Variants in LMX1B observed in about 807,000 individuals in gnomAD.
LMX1B encodes the protein LIM homeobox transcription factor 1 beta.
In LMX1B, 12 loss-of-function variants were observed where a neutral mutation model predicts 51.4. The observed-to-expected ratio is 0.23, with a 90% confidence interval of 0.15 to 0.38. The LOEUF (loss-of-function observed/expected upper bound fraction) is 0.38, where lower values mean the gene tolerates loss of function less well. Ranked by LOEUF, LMX1B falls within the 10% of genes least tolerant of loss-of-function variation. LMX1B has a pLI of 1.00. For synonymous variants in LMX1B, 237 were observed against 235.4 expected (o/e 1.01, Z -0.06); for missense variants, 445 against 571.1 (o/e 0.78, Z 2.25).
At chr9:126,619,326 G>C (rs890386909) in intron 2 of LMX1B, among the ~76,000 whole-genome samples, 6 of 152,266 alleles carry the variant, frequency 3.9e-5, no homozygotes, top group African/African-American at 1.4e-4. Context: ...GTGTGGCCCA[G>C]GGGGAGAGCA....
chr9:126,620,646 G>A (rs1272916586), intron 2 of LMX1B, among the ~76,000 whole-genome samples: 1 of 151,994 alleles, frequency 6.6e-6, no homozygotes, highest in Non-Finnish European at 1.5e-5. Flanking sequence ...GGGGCAGACG[G>A]AGGGTGGCCG....
intron 2 of LMX1B, among the ~76,000 whole-genome samples, chr9:126,629,753 A>G (rs1588268179): frequency 6.6e-6 from 1 of 151,936 alleles, no homozygotes; most frequent in Admixed American, 6.6e-5. Flanking sequence ...CATTTTGCCA[A>G]CATCAAAGCT....
chr9:126,622,550 G>A (rs1187170500), intron 2 of LMX1B, among the ~76,000 whole-genome samples: 4 of 152,216 alleles, frequency 2.6e-5, no homozygotes. Flanking sequence ...GGGAGGGGAG[G>A]AGCAGCACTG....
chr9:126,693,418 TC>T lies in LMX1B; in HGVS notation c.741+98del. ...CCTGCTCCTGCTGGGGGTAGGGACATCCCTCCATCCTCCATCTCTCCGCACA... is the reference window on the plus strand; with the variant it reads ...CCTGCTCCTGCTGGGGGTAGGGACATCCTCCATCCTCCATCTCTCCGCACA... On this transcript the variant is annotated intron_variant, in intron 4 of 7. Coordinates refer to ENST00000373474, the MANE Select transcript of LMX1B (RefSeq NM_001174147.2). 3 of 1,538,246 alleles carry T rather than the reference TC, an allele frequency of 2.0e-6. No homozygotes were observed. The South Asian group carries it at 3.4e-5, about 17-fold the overall frequency.
At chr9:126,681,924 A>AT (rs1331635457) in intron 2 of LMX1B, among the ~76,000 whole-genome samples, 18 of 150,776 alleles carry the variant, frequency 1.2e-4, no homozygotes, top group African/African-American at 4.4e-4. Context: ...AATAATAATA[A>AT]AATAAAATGC....
intron 2 of LMX1B, among the ~76,000 whole-genome samples, chr9:126,667,491 A>AACAC (rs1836364351): frequency 6.6e-6 from 1 of 152,244 alleles, no homozygotes; most frequent in African/African-American, 2.4e-5. Context: ...CTGGAGTATA[A>AACAC]ACACACTGGG....
rs60855273 is a variant in LMX1B at position 126,629,589 on chromosome 9, G to C, written c.326+14020G>C. Among the ~76,000 whole-genome samples, 1,479 of 151,452 alleles carry C rather than the reference G, an allele frequency of 9.8e-3. 33 individuals carry two copies. Among genetic ancestry groups the C allele is most frequent in the African/African-American group, 0.034 (1,390 of 41,364 alleles). On this transcript the variant is annotated intron_variant, in intron 2 of 7. Coordinates refer to ENST00000373474, the MANE Select transcript of LMX1B (RefSeq NM_001174147.2). The stretch of plus-strand genomic sequence containing the variant: ...GGCTGGGGTTGGTGCCCCGATGGTG[G>C]GCTGGTACTGCAACCCAATGTTGTT...
At chr9:126,663,449 A>C (rs918531269) in intron 2 of LMX1B, among the ~76,000 whole-genome samples, 55 of 152,024 alleles carry the variant, frequency 3.6e-4, no homozygotes, top group African/African-American at 1.3e-3. Flanking sequence ...GAAAAAAAAA[A>C]GAATTTTGAG....
chr9:126,631,643 G>A (rs1394593072), intron 2 of LMX1B, among the ~76,000 whole-genome samples: 1 of 152,200 alleles, frequency 6.6e-6, no homozygotes, highest in Non-Finnish European at 1.5e-5. Context: ...TGTGCCTGCA[G>A]TTATTGGCTC....
intron 7 of LMX1B, 71 bp downstream of exon 7, chr9:126,696,074 G>C: frequency 7.4e-7 from 1 of 1,359,982 alleles, no homozygotes; most frequent in South Asian, 1.4e-5. Flanking sequence ...GCAGGCCTGG[G>C]GCCAGGACAG....
At chr9:126,692,473 C>A (rs576524255) in intron 3 of LMX1B, among the ~76,000 whole-genome samples, 2 of 152,344 alleles carry the variant, frequency 1.3e-5, no homozygotes, top group African/African-American at 2.4e-5. Context: ...TGGGAGAATG[C>A]ACATGCTTCC....
chr9:126,699,320 T>C lies in LMX1B; in HGVS notation c.*2869T>C, dbSNP rs913517229. 1 of 152,198 alleles carries C rather than the reference T, an allele frequency of 6.6e-6. No homozygotes were observed. The highest frequency in any genetic ancestry group is 2.4e-5 in the African/African-American group (1 of 41,440). The allele number at this position is 152,198 out of a possible 1,614,324, so 9.4% of individuals were successfully genotyped here. A position where few individuals can be genotyped will look rare whatever the true frequency, so the allele number is the denominator to read the frequency against. ...TGTCCCCTGTGGTTTGTGAATGACC[T>C]CCAGGTCAGGGGGTCACAACTTGTT... is the stretch of plus-strand genomic sequence containing the variant. On this transcript the variant is annotated 3_prime_UTR_variant, in exon 8 of 8. Transcript: ENST00000373474.
rs1835354887 is a variant in LMX1B at position 126,618,876 on chromosome 9, G to C, written c.326+3307G>C. Among the ~76,000 whole-genome samples, 1 of 151,992 alleles carries C rather than the reference G, an allele frequency of 6.6e-6. No individual in the cohort carries two copies. The highest frequency in any genetic ancestry group is 2.4e-5 in the African/African-American group (1 of 41,364). On this transcript the variant is annotated intron_variant, in intron 2 of 7. Coordinates refer to ENST00000373474, the MANE Select transcript of LMX1B (RefSeq NM_001174147.2). This position sits in a 1 kb window ranked among gnomAD's most constrained non-coding sequence, Gnocchi z 4.5. Reference sequence around the variant, plus strand: ...TTGTAAGACAGCTCCCAGGTTTGGCGACCCGAGACCCGCTGGGGTGCAAGC... The same window carrying C: ...TTGTAAGACAGCTCCCAGGTTTGGCCACCCGAGACCCGCTGGGGTGCAAGC...
chr9:126,663,423 CA>C (rs58849866), intron 2 of LMX1B, among the ~76,000 whole-genome samples: 7,085 of 112,618 alleles, frequency 0.063, 502 homozygotes, highest in African/African-American at 0.22. Flanking sequence ...GACTCTTTCT[CA>C]AAAAAAAAAA....
At chr9:126,644,399 G>C (rs1835862601) in intron 2 of LMX1B, among the ~76,000 whole-genome samples, 1 of 152,176 alleles carries the variant, frequency 6.6e-6, no homozygotes, top group Non-Finnish European at 1.5e-5. Context: ...AGGCTCAGAA[G>C]AGGGAGGGGG....
chr9:126,692,285 A>G (rs954020665), intron 3 of LMX1B, among the ~76,000 whole-genome samples: 1 of 152,074 alleles, frequency 6.6e-6, no homozygotes, highest in East Asian at 1.9e-4. Context: ...GTGGGAGGAG[A>G]TCACCCGCCT....
At chr9:126,621,741 T>C (rs1390992689) in intron 2 of LMX1B, among the ~76,000 whole-genome samples, 1 of 148,374 alleles carries the variant, frequency 6.7e-6, no homozygotes, top group African/African-American at 2.5e-5. Flanking sequence ...ACCTCAAGTC[T>C]CCTGAAGCAT....
intron 1 of LMX1B, among the ~76,000 whole-genome samples, chr9:126,614,789 T>C (rs1319473977): frequency 1.3e-5 from 2 of 152,032 alleles, no homozygotes; most frequent in African/African-American, 4.8e-5. Flanking sequence ...ACAGGACAGC[T>C]CCAGTCGCCA....
intron 2 of LMX1B, among the ~76,000 whole-genome samples, chr9:126,619,366 T>C (rs531337703): frequency 6.6e-6 from 1 of 152,306 alleles, no homozygotes; most frequent in Non-Finnish European, 1.5e-5. Context: ...TGGCTACTTC[T>C]TCTGCCAGCC....
Sources: allele counts gnomAD v4.1 joint callset (sites outside exome capture counted in the v4.1 genomes callset), GRCh38; gene constraint gnomAD v4.1.1; non-coding constraint Gnocchi (gnomAD v3.1); transcripts MANE v1.5; gene names NCBI Gene and HGNC (gene_info 2026-07-23, HGNC 2026-07-21).